NRG1: variants seen among roughly 807,000 people sequenced by gnomAD.
The protein encoded by NRG1 is neuregulin 1.
Under a neutral mutation model 63.8 loss-of-function variants are expected in NRG1, and 18 were observed. The observed-to-expected ratio is 0.28, with a 90% CI of 0.19 to 0.42. The LOEUF (loss-of-function observed/expected upper bound fraction) is 0.42, where lower values mean the gene tolerates loss of function less well. Among genes scored for constraint, NRG1 ranks in the 10% least tolerant of loss-of-function variants. NRG1 has a pLI of 1.00. For synonymous variants in NRG1, 302 were observed against 301.3 expected (o/e 1.00, Z -0.02); for missense variants, 762 against 814.7 (o/e 0.94, Z 0.79).
intron 1 of NRG1, among the ~76,000 whole-genome samples, chr8:32,164,092 C>T (rs558770648): frequency 5.3e-5 from 8 of 152,196 alleles, no homozygotes; most frequent in East Asian, 3.9e-4. Context: ...CCCTCACCTC[C>T]GGACCTTTTC....
chr8:31,738,817 C>A (rs866385438), intron 1 of NRG1, among the ~76,000 whole-genome samples: 1 of 152,114 alleles, frequency 6.6e-6, no homozygotes. Flanking sequence ...CTGTATGTCT[C>A]TGTCTCTCTC....
chr8:31,890,305 T>C (rs1262729583), intron 1 of NRG1, among the ~76,000 whole-genome samples: 2 of 152,052 alleles, frequency 1.3e-5, no homozygotes, highest in Non-Finnish European at 2.9e-5. Flanking sequence ...AGAATTACAG[T>C]CTCTAAAATA....
chr8:32,744,927 A>G (rs1827149570), intron 7 of NRG1, among the ~76,000 whole-genome samples: 2 of 152,166 alleles, frequency 1.3e-5, no homozygotes, highest in South Asian at 2.1e-4. Context: ...TATGCTTTCA[A>G]TGCCACTTTT....
At chr8:31,912,349 G>C (rs186616516) in intron 1 of NRG1, among the ~76,000 whole-genome samples, 363 of 152,132 alleles carry the variant, frequency 2.4e-3, no homozygotes, top group African/African-American at 8.6e-3. Flanking sequence ...AGCCAGAAAA[G>C]ATGACAGCTA....
chr8:32,721,840 T>C, intron 5 of NRG1: 1 of 1,378,852 alleles, frequency 7.3e-7, no homozygotes, highest in Admixed American at 3.5e-5. Context: ...CAGCTCTTTC[T>C]GCTCAGCTTC....
rs183134783 is a variant in NRG1, at chr8:31,778,516, G to A, written c.37+139085G>A. 5.9e-5 allele frequency among the ~76,000 whole-genome samples: 9 copies of A among 152,250 alleles called. No individual in the cohort carries two copies. The East Asian group carries it at 1.7e-3, about 29-fold the overall frequency. ...TTTTTCCTTTATTATTCTTTCCTCAGTTCCTGCTGTAGAACTGTACATCTA... is the reference window on the plus strand; with the variant it reads ...TTTTTCCTTTATTATTCTTTCCTCAATTCCTGCTGTAGAACTGTACATCTA... On this transcript the variant is annotated intron_variant, in intron 1 of 10. Coordinates refer to the NRG1 transcript ENST00000519301.
At chr8:31,850,324 A>C (rs1298755428) in intron 1 of NRG1, among the ~76,000 whole-genome samples, 1 of 152,104 alleles carries the variant, frequency 6.6e-6, no homozygotes, top group Non-Finnish European at 1.5e-5. Context: ...TGGATCCTGG[A>C]TCCTGCCATT....
chr8:32,241,742 G>A (rs888254217), intron 1 of NRG1, among the ~76,000 whole-genome samples: 6 of 151,730 alleles, frequency 4.0e-5, no homozygotes, highest in Non-Finnish European at 5.9e-5. Context: ...ACTTGCTTTG[G>A]CATCAAATGC....
rs77615493 is a variant in NRG1, at chr8:31,816,759, C to G, written c.37+177328C>G. Among the ~76,000 whole-genome samples the G allele has an allele frequency of 7.2e-5, 11 of 152,268 alleles. No individual in the cohort carries two copies. In the East Asian group the frequency reaches 2.1e-3, roughly 29 times the overall value. ...TATCTCTGAGGCTTGTACTATTCTA[C>G]TGGGATATCATTAGAAGAAATGCCA... On this transcript the variant is annotated intron_variant, in intron 1 of 10. Transcript: ENST00000519301.
intron 1 of NRG1, among the ~76,000 whole-genome samples, chr8:32,172,343 T>G (rs148559830): frequency 0.029 from 4,384 of 152,222 alleles, 182 homozygotes; most frequent in African/African-American, 0.099. Flanking sequence ...AAACCCCATT[T>G]ATACATCACC....
At chr8:32,118,111 T>TATTG (rs915467560) in intron 1 of NRG1, among the ~76,000 whole-genome samples, 8 of 152,234 alleles carry the variant, frequency 5.3e-5, no homozygotes, top group African/African-American at 1.9e-4. Context: ...CCTTATGAAA[T>TATTG]ATTGATAGTA....
chr8:31,675,236 G>A (rs1160298553), intron 1 of NRG1, among the ~76,000 whole-genome samples: 5 of 152,150 alleles, frequency 3.3e-5, no homozygotes, highest in African/African-American at 9.7e-5. Context: ...CAGCTACTCG[G>A]GAGGCTGAGG....
At chr8:31,979,361 T>G (rs1808708174) in intron 1 of NRG1, among the ~76,000 whole-genome samples, 1 of 152,144 alleles carries the variant, frequency 6.6e-6, no homozygotes, top group Non-Finnish European at 1.5e-5. Flanking sequence ...TACTGATTTC[T>G]TCCCCAAATA....
intron 1 of NRG1, among the ~76,000 whole-genome samples, chr8:32,130,014 C>A (rs1350770626): frequency 6.6e-6 from 1 of 151,856 alleles, no homozygotes; most frequent in African/African-American, 2.4e-5. Flanking sequence ...AAGCTTCTAT[C>A]ATTTAAAAAA....
chr8:31,656,360 A>AC (rs1447375720), intron 1 of NRG1, among the ~76,000 whole-genome samples: 1 of 152,220 alleles, frequency 6.6e-6, no homozygotes, highest in African/African-American at 2.4e-5. Flanking sequence ...CTATTGCCAC[A>AC]CATTTTAAAT....
intron 5 of NRG1, among the ~76,000 whole-genome samples, chr8:32,679,216 C>A (rs1234201229): frequency 2.0e-5 from 3 of 152,112 alleles, no homozygotes; most frequent in Non-Finnish European, 4.4e-5. Flanking sequence ...TTTTCATGCT[C>A]ATTCTTGTAC....
intron 1 of NRG1, among the ~76,000 whole-genome samples, chr8:31,654,444 A>C (rs977815314): frequency 1.6e-4 from 24 of 152,352 alleles, no homozygotes; most frequent in African/African-American, 5.5e-4. Flanking sequence ...AGAAGACAAG[A>C]TACTTGTGAA....
At chr8:32,555,713 C>T (rs547865018) in intron 1 of NRG1, among the ~76,000 whole-genome samples, 7 of 152,244 alleles carry the variant, frequency 4.6e-5, no homozygotes, top group South Asian at 2.1e-4. Context: ...CCTCGTGATC[C>T]GCCCGCCTTG....
At position 32,435,046 on chromosome 8, in the gene NRG1, G is replaced by A. The variant is rs907851836; in HGVS notation, c.38-160782G>A. ...ATGTAATCACCATGTTTTCCCAGGT[G>A]GATTTTTAACAGTGGCCTTCTGGAG... On this transcript the variant is annotated intron_variant, in intron 1 of 10. Coordinates refer to the NRG1 transcript ENST00000519301. Among the ~76,000 whole-genome samples the A allele has an allele frequency of 5.9e-5, 9 of 152,078 alleles. No homozygotes were observed. The East Asian group carries it at 7.7e-4, about 13-fold the overall frequency.
Sources: allele counts gnomAD v4.1 joint callset (sites outside exome capture counted in the v4.1 genomes callset), GRCh38; gene constraint gnomAD v4.1.1; transcripts MANE v1.5; gene names NCBI Gene and HGNC (gene_info 2026-07-23, HGNC 2026-07-21).